Variants in HPCAL1 observed in about 807,000 individuals in gnomAD.
HPCAL1 encodes the protein hippocalcin like 1.
A neutral mutation model predicts 17.1 loss-of-function variants in HPCAL1; 8 were observed. That is an observed-to-expected ratio of 0.47 (90% CI 0.27 to 0.84). HPCAL1 has a LOEUF of 0.84. HPCAL1 is among the 40% of genes least tolerant of loss of function. The probability of loss-of-function intolerance (pLI) is 0.13; values close to 1 mark genes in which losing one functional copy is unlikely to be tolerated. For synonymous variants in HPCAL1, 112 were observed against 111.4 expected (o/e 1.01, Z -0.03); for missense variants, 165 against 271.1 (o/e 0.61, Z 2.75).
At position 10,306,936 on chromosome 2, in the gene HPCAL1, G is replaced by A. The variant is rs1308635391; in HGVS notation, c.-111+3759G>A. On this transcript the variant is annotated intron_variant, in intron 1 of 4. Transcript: ENST00000307845. ...GCCACCCTCCTCTGCCAGCAGCAGGGCAGGAAAGATGACTTCTTGGGGCTG... is the reference window on the plus strand; with the variant it reads ...GCCACCCTCCTCTGCCAGCAGCAGGACAGGAAAGATGACTTCTTGGGGCTG... 7.2e-5 allele frequency among the ~76,000 whole-genome samples: 11 copies of A among 152,316 alleles called. No individual in the cohort carries two copies. In the East Asian group the frequency reaches 2.1e-3, roughly 29 times the overall value.
intron 1 of HPCAL1, among the ~76,000 whole-genome samples, chr2:10,346,370 C>T (rs1280987047): frequency 2.0e-5 from 3 of 152,186 alleles, no homozygotes; most frequent in Admixed American, 6.5e-5. Flanking sequence ...TCACAGCCCA[C>T]GTGCCTCATT....
At chr2:10,404,132 C>A (rs1429439874) in intron 2 of HPCAL1, among the ~76,000 whole-genome samples, 13 of 152,176 alleles carry the variant, frequency 8.5e-5, no homozygotes, top group Admixed American at 7.9e-4. Context: ...GTAGCAGGGA[C>A]AAGTTACTTG....
In HPCAL1 at chr2:10,419,316, A is replaced by G. The variant is rs545267812; in HGVS notation, c.-24-418A>G. On this transcript the variant is annotated intron_variant, in intron 2 of 4. Transcript: ENST00000307845. This position sits in a 1 kb window ranked among gnomAD's most constrained non-coding sequence, Gnocchi z 5.0. ...ATAAAAACATAATGTGATGCCTGAA[A>G]GAGGGAAGAACTGCCCCAAAGAGTC... Among the ~76,000 whole-genome samples, 11 of 152,318 alleles carry G rather than the reference A, an allele frequency of 7.2e-5. No individual in the cohort carries two copies. The highest frequency in any genetic ancestry group is 2.4e-4 in the African/African-American group (10 of 41,576).
intron 1 of HPCAL1, among the ~76,000 whole-genome samples, chr2:10,325,807 C>A (rs914407625): frequency 6.6e-6 from 1 of 152,234 alleles, no homozygotes; most frequent in Non-Finnish European, 1.5e-5. Flanking sequence ...GCACCTCGGT[C>A]CTGCTGGTCC....
chr2:10,373,821 C>G (rs898517217), intron 1 of HPCAL1, among the ~76,000 whole-genome samples: 2 of 152,268 alleles, frequency 1.3e-5, no homozygotes, highest in South Asian at 4.1e-4. Context: ...CACACTGGGA[C>G]CTGTCCACTT....
chr2:10,404,929 C>A (rs1028784548), intron 2 of HPCAL1, among the ~76,000 whole-genome samples: 23 of 152,282 alleles, frequency 1.5e-4, no homozygotes, highest in Admixed American at 1.3e-3. Context: ...CCGCAGCCCC[C>A]ACCTCCCGCC....
intron 1 of HPCAL1, among the ~76,000 whole-genome samples, chr2:10,368,163 T>C (rs1377885139): frequency 1.6e-4 from 25 of 151,876 alleles, no homozygotes; most frequent in Admixed American, 1.6e-3. Context: ...TAGGTGTGTG[T>C]GTGCATTGTG....
intron 1 of HPCAL1, chr2:10,324,443 TG>T (rs1663861681): frequency 6.6e-6 from 1 of 152,226 alleles, no homozygotes; most frequent in Non-Finnish European, 1.5e-5. Context: ...TTTGTGACCA[TG>T]GGAGACAGTC....
chr2:10,352,874 A>G (rs1211460021), intron 1 of HPCAL1, among the ~76,000 whole-genome samples: 2 of 152,226 alleles, frequency 1.3e-5, no homozygotes, highest in South Asian at 2.1e-4. Context: ...CTGGCCAACT[A>G]GTAAGCTCTT....
chr2:10,320,513 A>G (rs1663609117), intron 1 of HPCAL1, among the ~76,000 whole-genome samples: 2 of 152,204 alleles, frequency 1.3e-5, no homozygotes, highest in African/African-American at 2.4e-5. Flanking sequence ...AGGCCTCCCC[A>G]GCCATGCTTC....
intron 1 of HPCAL1, among the ~76,000 whole-genome samples, chr2:10,337,535 C>T (rs919867502): frequency 3.3e-5 from 5 of 152,110 alleles, no homozygotes; most frequent in Admixed American, 6.5e-5. Flanking sequence ...ATTATTTCCA[C>T]GTTTTATTTA....
At chr2:10,413,166 C>T (rs1405272192) in intron 2 of HPCAL1, among the ~76,000 whole-genome samples, 2 of 152,108 alleles carry the variant, frequency 1.3e-5, no homozygotes, top group African/African-American at 2.4e-5. Context: ...GCCTGGAGGC[C>T]CAGAGTCCTT....
intron 1 of HPCAL1, among the ~76,000 whole-genome samples, chr2:10,311,007 A>G (rs1207451502): frequency 6.6e-6 from 1 of 152,200 alleles, no homozygotes; most frequent in Admixed American, 6.5e-5. Context: ...CTATGTTGAA[A>G]AAAAATCATT....
intron 1 of HPCAL1, among the ~76,000 whole-genome samples, chr2:10,318,881 C>T: frequency 6.6e-6 from 1 of 152,228 alleles, no homozygotes; most frequent in South Asian, 2.1e-4. Context: ...GCTTGAATAG[C>T]ACCCACCCGT....
chr2:10,417,779 C>T (rs543073097), intron 2 of HPCAL1, among the ~76,000 whole-genome samples: 6 of 151,992 alleles, frequency 3.9e-5, no homozygotes, highest in Admixed American at 6.6e-5. Context: ...TCTTGGCTCA[C>T]GGCTGTAGTC....
chr2:10,356,895 G>A (rs1386016069), intron 1 of HPCAL1, among the ~76,000 whole-genome samples: 6 of 152,180 alleles, frequency 3.9e-5, no homozygotes, highest in Admixed American at 3.9e-4. Context: ...CACAACTGTA[G>A]AGTGTTTTAA....
intron 1 of HPCAL1, among the ~76,000 whole-genome samples, chr2:10,316,222 C>A (rs1033448002): frequency 3.9e-5 from 6 of 152,110 alleles, no homozygotes; most frequent in Non-Finnish European, 7.3e-5. Context: ...TACCACCAGC[C>A]CCTGCTGTTG....
intron 1 of HPCAL1, among the ~76,000 whole-genome samples, chr2:10,389,968 A>T (rs1668584976): frequency 6.6e-6 from 1 of 152,240 alleles, no homozygotes; most frequent in African/African-American, 2.4e-5. Flanking sequence ...CAGTTTTTCA[A>T]AGTGGTCATA....
At position 10,408,675 on chromosome 2, in the gene HPCAL1, T is replaced by A. The variant is rs568829789; in HGVS notation, c.-24-11059T>A. The A allele has an allele frequency of 3.9e-5, 6 of 152,378 alleles. No individual in the cohort carries two copies. In the South Asian group the frequency reaches 1.2e-3, roughly 32 times the overall value. 9.4% of individuals were successfully genotyped at this position (152,378 alleles called of 1,614,324 possible). On this transcript the variant is annotated intron_variant, in intron 2 of 4. Transcript: ENST00000307845. ...CCTGGGGTCCTCACTGCAGCTGGCC[T>A]CTGGCAGCGTTCTCAGGCTAGCCCT...
Sources: gnomAD v4.1 joint callset for allele counts (sites outside exome capture counted in the v4.1 genomes callset) on GRCh38, gnomAD v4.1.1 for gene constraint, Gnocchi (gnomAD v3.1) non-coding constraint, MANE v1.5 for transcripts, NCBI Gene and HGNC (gene_info 2026-07-23, HGNC 2026-07-21) for gene names.